The following LARGE1 variants were observed in gnomAD, a reference collection of about 807,000 sequenced individuals.
The protein encoded by LARGE1 is xylosyl- and glucuronyltransferase LARGE1.
In LARGE1, 43 loss-of-function variants were observed where a neutral mutation model predicts 87.6. That is an observed-to-expected ratio of 0.49 (90% CI 0.38 to 0.63). LARGE1 has a LOEUF of 0.63. Ranked by LOEUF, LARGE1 falls within the 30% of genes least tolerant of loss-of-function variation. LARGE1 has a pLI of 0.00. For missense variants in LARGE1, 802 were observed against 1,000.2 expected (o/e 0.80, Z 2.67); for synonymous variants, 434 against 394.6 (o/e 1.10, Z -1.18).
At chr22:33,693,818 T>C (rs1407216202) in intron 2 of LARGE1, among the ~76,000 whole-genome samples, 1 of 151,736 alleles carries the variant, frequency 6.6e-6, no homozygotes, top group Admixed American at 6.6e-5. Context: ...GGCGAGACTC[T>C]GTCTCTATTA....
intron 11 of LARGE1, among the ~76,000 whole-genome samples, chr22:33,313,911 A>C (rs1349219699): frequency 6.6e-6 from 1 of 152,198 alleles, no homozygotes; most frequent in Non-Finnish European, 1.5e-5. Context: ...TAAGCTGCTC[A>C]ATGTGTGGTA....
At chr22:33,745,610 A>ATT (rs1415447804) in intron 2 of LARGE1, among the ~76,000 whole-genome samples, 1 of 152,170 alleles carries the variant, frequency 6.6e-6, no homozygotes, top group African/African-American at 2.4e-5. Context: ...TAACTCACAG[A>ATT]TACAGCTTCT....
chr22:33,184,243 T>C (rs1360241153), intron 11 of LARGE1, among the ~76,000 whole-genome samples: 2 of 151,486 alleles, frequency 1.3e-5, no homozygotes, highest in Non-Finnish European at 2.9e-5. Context: ...ATGCTTGATA[T>C]CTTGTAGAGT....
At chr22:33,565,047 T>A (rs2077982158) in intron 5 of LARGE1, 28 bp from the exon 6 acceptor site, 1 of 1,607,412 alleles carries the variant, frequency 6.2e-7, no homozygotes, top group Non-Finnish European at 8.5e-7. Context: ...GAGAGAGAGT[T>A]GGAGAAAGGG....
At chr22:33,247,284 G>A (rs1362950220) in intron 11 of LARGE1, among the ~76,000 whole-genome samples, 1 of 152,100 alleles carries the variant, frequency 6.6e-6, no homozygotes. Flanking sequence ...TTTCAAAATT[G>A]TAGTCAGTAT....
intron 11 of LARGE1, among the ~76,000 whole-genome samples, chr22:33,187,003 G>T (rs1015111424): frequency 2.0e-5 from 3 of 152,160 alleles, no homozygotes; most frequent in Non-Finnish European, 2.9e-5. Context: ...AGAAATAGAT[G>T]CATGCTTCTA....
At chr22:33,153,155 T>C in the LARGE1 span, among the ~76,000 whole-genome samples, 5 of 152,300 alleles carry the variant, frequency 3.3e-5, no homozygotes, top group Admixed American at 1.3e-4. Context: ...TCTATCTTCA[T>C]TGACTTTTAA....
intron 1 of LARGE1, among the ~76,000 whole-genome samples, chr22:33,786,228 A>AT: frequency 6.6e-6 from 1 of 152,266 alleles, no homozygotes; most frequent in East Asian, 1.9e-4. Flanking sequence ...AAAGGCTCTT[A>AT]TTTTTACTAT....
chr22:33,914,789 T>TCC (rs564005557), intron 1 of LARGE1, among the ~76,000 whole-genome samples: 56 of 152,168 alleles, frequency 3.7e-4, no homozygotes, highest in African/African-American at 1.3e-3. Context: ...GCCCTTTCCC[T>TCC]CCCTGGGCCT....
chr22:33,377,415 A>G (rs2065024215), intron 9 of LARGE1, among the ~76,000 whole-genome samples: 1 of 152,210 alleles, frequency 6.6e-6, no homozygotes, highest in Non-Finnish European at 1.5e-5. Flanking sequence ...TTTTTCCTTT[A>G]AAAACCTTTA....
chr22:33,242,193 T>C (rs902569775), intron 11 of LARGE1, among the ~76,000 whole-genome samples: 6 of 152,200 alleles, frequency 3.9e-5, no homozygotes, highest in African/African-American at 1.4e-4. Context: ...ACTGTCAGTA[T>C]GTTCATAGAA....
At chr22:33,244,679 T>C (rs1021997996) in intron 11 of LARGE1, among the ~76,000 whole-genome samples, 6 of 152,228 alleles carry the variant, frequency 3.9e-5, no homozygotes, top group Non-Finnish European at 7.4e-5. Flanking sequence ...TCTGTCATCA[T>C]CTTGACCTGC....
chr22:33,464,657 TATC>T (rs1438640561), intron 6 of LARGE1, among the ~76,000 whole-genome samples: 3 of 152,184 alleles, frequency 2.0e-5, no homozygotes, highest in African/African-American at 7.2e-5. Context: ...ATATCTCAGG[TATC>T]ATTCTTCTAG....
Position 33,450,447 on chromosome 22 carries a change from CAAAA to C in LARGE1, c.788-18186_788-18183del, listed in dbSNP as rs367922467. The stretch of plus-strand genomic sequence containing the variant: ...TGAAACCCCATCTCTACTAAAAATA[CAAAA>C]AAAAAAAAAAAATTAGCCAGGTGTG... On this transcript the variant is annotated intron_variant, in intron 6 of 14. Transcript: ENST00000397394. Among the ~76,000 whole-genome samples, 1,242 of 128,054 alleles carry C rather than the reference CAAAA, an allele frequency of 9.7e-3. 20 individuals carry two copies. Among genetic ancestry groups the C allele is most frequent in the African/African-American group, 0.03 (1,090 of 36,468 alleles). 84.0% of individuals were successfully genotyped at this position (128,054 alleles called of 152,430 possible).
At chr22:33,239,982 C>T (rs1308639251) in intron 11 of LARGE1, among the ~76,000 whole-genome samples, 1 of 152,192 alleles carries the variant, frequency 6.6e-6, no homozygotes, top group Non-Finnish European at 1.5e-5. Flanking sequence ...TTCTTGTGAA[C>T]ATATGTTTTC....
intron 9 of LARGE1, among the ~76,000 whole-genome samples, chr22:33,374,422 T>A (rs1029605808): frequency 2.6e-5 from 4 of 152,212 alleles, no homozygotes; most frequent in Non-Finnish European, 5.9e-5. Flanking sequence ...GAAAATGGAG[T>A]TTTGAAAGCA....
At chr22:33,246,384 C>T (rs1389308628) in intron 11 of LARGE1, among the ~76,000 whole-genome samples, 1 of 151,964 alleles carries the variant, frequency 6.6e-6, no homozygotes, top group African/African-American at 2.4e-5. Context: ...GGTGGCTCAC[C>T]CCTTTAATCC....
intron 3 of LARGE1, among the ~76,000 whole-genome samples, chr22:33,626,847 C>A (rs889004253): frequency 1.3e-5 from 2 of 152,186 alleles, no homozygotes; most frequent in Non-Finnish European, 2.9e-5. Flanking sequence ...GGAAGACTGG[C>A]AGAATTGAAG....
At chr22:33,428,990 T>C (rs1601806985) in intron 7 of LARGE1, among the ~76,000 whole-genome samples, 1 of 146,458 alleles carries the variant, frequency 6.8e-6, no homozygotes, top group South Asian at 2.2e-4. Context: ...AGGAGTGAAG[T>C]GACTTGGCCA....
Sources: allele counts gnomAD v4.1 joint callset (sites outside exome capture counted in the v4.1 genomes callset), GRCh38; gene constraint gnomAD v4.1.1; transcripts MANE v1.5; gene names NCBI Gene and HGNC (gene_info 2026-07-23, HGNC 2026-07-21).